Variants in CACNA2D4 observed in about 807,000 individuals in gnomAD.
The protein encoded by CACNA2D4 is calcium voltage-gated channel auxiliary subunit alpha2delta 4.
In CACNA2D4, 157 loss-of-function variants were observed where a neutral mutation model predicts 163.8. That is an observed-to-expected ratio of 0.96 (90% CI 0.84 to 1.09). CACNA2D4 has a LOEUF of 1.09. CACNA2D4 is among the 50% of genes least tolerant of loss of function. The pLI is 0.00. For synonymous variants in CACNA2D4, 598 were observed against 586.9 expected, an observed-to-expected ratio of 1.02 and a Z score of -0.27; for missense variants, 1,410 against 1,479.9, an observed-to-expected ratio of 0.95 and a Z score of 0.78.
In CACNA2D4 at chr12:1,856,078, G is replaced by C. The variant is rs750059109; in HGVS notation, c.2086C>G (p.His696Asp). The C allele has an allele frequency of 1.2e-6, 2 of 1,614,012 alleles. No individual in the cohort carries two copies. The highest frequency in any genetic ancestry group is 1.6e-4 in the Middle Eastern group (1 of 6,062). Residue 696 changes from histidine (H) to aspartate (D), a missense_variant, in exon 22 of 38, where the codon CAC becomes GAC. By Grantham distance (81) the His-to-Asp change is moderately conservative. Coordinates refer to ENST00000382722, the MANE Select transcript of CACNA2D4 (RefSeq NM_172364.5). ...IYCITDIDPDHRKLSQLEAMI... is the reference protein window; with the variant it reads ...IYCITDIDPDDRKLSQLEAMI... ...GCCTCTAGCTGGCTGAGCTTCCGGT[G>C]GTCTGGGTCAATATCTGTGATGCAG...
chr12:1,809,886 CG>C (rs151229065), intron 29 of CACNA2D4, among the ~76,000 whole-genome samples: 3,351 of 152,176 alleles, frequency 0.022, 116 homozygotes, highest in African/African-American at 0.076. Flanking sequence ...GAAAGGCAGG[CG>C]GGGGTTGGGG....
At chr12:1,809,438 G>C in intron 29 of CACNA2D4, 2 of 672,860 alleles carry the variant, frequency 3.0e-6, no homozygotes, top group Non-Finnish European at 5.3e-6. Context: ...CAAATACTAT[G>C]CCCCTTTCCC....
chr12:1,813,403 C>T (rs947051764), intron 26 of CACNA2D4, among the ~76,000 whole-genome samples: 37 of 152,184 alleles, frequency 2.4e-4, no homozygotes, highest in African/African-American at 8.4e-4. Flanking sequence ...AATTGAATCT[C>T]CTAAGATGAT....
chr12:1,887,028 C>A lies in CACNA2D4; in HGVS notation c.823G>T (p.Asp275Tyr). ...TCTTACCAGCCGCGGTTTCGGCAGT[C>A]AAAAGTAATGACTCCATTCTCATCA... Reference protein sequence around the residue: ...TPDENGVITFDCRNRGWYIQA... With the variant: ...TPDENGVITFYCRNRGWYIQA... Residue 275 changes from aspartate (D) to tyrosine (Y), a missense_variant, in exon 7 of 38, where the codon GAC (aspartate) becomes TAC (tyrosine). Asp to Tyr is a radical substitution (Grantham distance 160). Transcript: ENST00000382722. The A allele has an allele frequency of 1.3e-6, 2 of 1,593,510 alleles. No homozygotes were observed. Among genetic ancestry groups the A allele is most frequent in the South Asian group, 2.3e-5 (2 of 88,350 alleles).
At position 1,907,385 on chromosome 12, in the gene CACNA2D4, T is replaced by TTGTCC. The variant is rs34097484; in HGVS notation, c.781+54_781+55insGGACA. ...CCAGGGTCCATCTTCAGTGCCCCTA[T>TTGTCC]TATTTCCAGAGAAGAATCCCAGAAG... On this transcript the variant is annotated intron_variant, in intron 6 of 37. Transcript: ENST00000382722. 23 of 1,435,476 alleles carry TTGTCC rather than the reference T, an allele frequency of 1.6e-5. 1 individual carries two copies. The highest frequency in any genetic ancestry group is 2.1e-5 in the Non-Finnish European group (23 of 1,094,672). 88.9% of individuals were successfully genotyped at this position (1,435,476 alleles called of 1,614,324 possible). A position where few individuals can be genotyped will look rare whatever the true frequency, so the allele number is the denominator to read the frequency against.
intron 8 of CACNA2D4, 30 bp from the exon 9 acceptor site, chr12:1,886,069 G>T (rs1271078724): frequency 1.3e-6 from 2 of 1,586,660 alleles, no homozygotes; most frequent in Non-Finnish European, 1.7e-6. Context: ...AGGGGAGGTG[G>T]GGGGAGAATA....
intron 23 of CACNA2D4, among the ~76,000 whole-genome samples, chr12:1,847,692 G>C (rs1865180327): frequency 6.6e-6 from 1 of 152,176 alleles, no homozygotes; most frequent in African/African-American, 2.4e-5. Context: ...TAAAAGCAGA[G>C]AGAATGGGCT....
At chr12:1,886,177 T>C (rs781507013) in intron 8 of CACNA2D4, 46 bp downstream of exon 8, 2 of 1,602,844 alleles carry the variant, frequency 1.2e-6, no homozygotes, top group Admixed American at 1.7e-5. Flanking sequence ...TGTGTATGAT[T>C]TCTAGAGCAA....
chr12:1,868,771 G>C (rs1476980831), intron 18 of CACNA2D4, among the ~76,000 whole-genome samples: 3 of 152,092 alleles, frequency 2.0e-5, no homozygotes, highest in Non-Finnish European at 4.4e-5. Context: ...CACATCCCTG[G>C]ATTCGATCAA....
rs1027128969 is a variant in CACNA2D4 at position 1,843,043 on chromosome 12, C to T, written c.2470+1359G>A. On this transcript the variant is annotated intron_variant, in intron 25 of 37. Coordinates refer to ENST00000382722, the MANE Select transcript of CACNA2D4 (RefSeq NM_172364.5). The surrounding 1 kb of genome is among the most constrained non-coding windows in gnomAD (Gnocchi z 4.6). ...AGAACCTCTCTGAGCCTCACGTTCT[C>T]CTTGTGTAAGTTGAGGGATAATGAC... Among the ~76,000 whole-genome samples the T allele has an allele frequency of 6.6e-6, 1 of 152,174 alleles. No individual in the cohort carries two copies. Among genetic ancestry groups the T allele is most frequent in the Admixed American group, 6.5e-5 (1 of 15,284 alleles).
intron 31 of CACNA2D4, 117 bp from the exon 32 acceptor site, chr12:1,800,555 G>A: frequency 4.1e-6 from 4 of 984,060 alleles, no homozygotes; most frequent in Non-Finnish European, 6.3e-6. Flanking sequence ...GCCACTGGGA[G>A]CAGGGGCAGC....
rs1050072379 is a variant in CACNA2D4 at position 1,826,406 on chromosome 12, C to A, written c.2551+14333G>T. 1.1e-3 allele frequency among the ~76,000 whole-genome samples: 60 copies of A among 57,006 alleles called. 1 individual carries two copies. The highest frequency in any genetic ancestry group is 2.4e-3 in the Non-Finnish European group (51 of 20,968). The allele number at this position is 57,006 out of a possible 152,430, so 37.4% of individuals were successfully genotyped here. On this transcript the variant is annotated intron_variant, in intron 26 of 37. Transcript: ENST00000382722. The stretch of plus-strand genomic sequence containing the variant: ...CCAGAGATTTGAACCCAGAGCCCCC[C>A]CCCCCCCCCCGCCAACTGGCACCAG...
intron 26 of CACNA2D4, among the ~76,000 whole-genome samples, chr12:1,827,185 C>T (rs867870789): frequency 6.6e-6 from 1 of 151,304 alleles, no homozygotes; most frequent in African/African-American, 2.4e-5. Context: ...AGTCCCCTGT[C>T]CCCCTCTCTG....
intron 6 of CACNA2D4, among the ~76,000 whole-genome samples, chr12:1,893,048 G>C (rs1250313996): frequency 6.6e-6 from 1 of 152,072 alleles, no homozygotes; most frequent in African/African-American, 2.4e-5. Flanking sequence ...ATAATAGTTG[G>C]AACGTAAACA....
At chr12:1,825,237 T>C (rs988381963) in intron 26 of CACNA2D4, among the ~76,000 whole-genome samples, 5 of 152,052 alleles carry the variant, frequency 3.3e-5, no homozygotes, top group Admixed American at 2.6e-4. Context: ...CACTGAGGGA[T>C]GGGAGAGGGT....
At chr12:1,894,629 A>AG (rs1866360943) in intron 6 of CACNA2D4, among the ~76,000 whole-genome samples, 1 of 1,686 alleles carries the variant, frequency 5.9e-4, no homozygotes, top group Non-Finnish European at 1.0e-3. Flanking sequence ...AAAGAATGAA[A>AG]ATAACCATAT....
intron 36 of CACNA2D4, 31 bp downstream of exon 36, chr12:1,795,637 A>AC (rs750341046): frequency 6.8e-7 from 1 of 1,461,300 alleles, no homozygotes; most frequent in Non-Finnish European, 9.6e-7. Context: ...CCCCGCCCCC[A>AC]CCGCACACAT....
chr12:1,819,148 C>T (rs1863994618), intron 26 of CACNA2D4, among the ~76,000 whole-genome samples: 1 of 152,014 alleles, frequency 6.6e-6, no homozygotes, highest in African/African-American at 2.4e-5. Context: ...TTGCAGGGGG[C>T]GTTTAAGGAA....
intron 34 of CACNA2D4, 68 bp from the exon 35 acceptor site, chr12:1,797,603 C>T (rs1863173894): frequency 1.7e-6 from 2 of 1,164,654 alleles, no homozygotes; most frequent in Non-Finnish European, 2.5e-6. Context: ...CGCCTCGGCA[C>T]TCCCAGGGCC....
Sources: allele counts gnomAD v4.1 joint callset (sites outside exome capture counted in the v4.1 genomes callset), GRCh38; gene constraint gnomAD v4.1.1; non-coding constraint Gnocchi (gnomAD v3.1); transcripts MANE v1.5; gene names NCBI Gene and HGNC (gene_info 2026-07-23, HGNC 2026-07-21).